The following POR variants were observed in gnomAD, a reference collection of about 807,000 sequenced individuals.
POR encodes cytochrome p450 oxidoreductase.
A neutral mutation model predicts 84.0 loss-of-function variants in POR; 56 were observed. The ratio of observed to expected loss-of-function variants is 0.67; its 90% CI spans 0.54 to 0.83. The LOEUF (loss-of-function observed/expected upper bound fraction) is 0.83. POR is among the 40% of genes least tolerant of loss of function. The pLI is 0.00. For missense variants in POR, 938 were observed against 944.3 expected (o/e 0.99, Z 0.09); for synonymous variants, 414 against 400.5 (o/e 1.03, Z -0.40).
chr7:75,922,778 A>C (rs1355778889), intron 1 of POR: 1 of 453,984 alleles, frequency 2.2e-6, no homozygotes, highest in Non-Finnish European at 4.0e-6. Flanking sequence ...AGCAAAGAAA[A>C]ATCCCTTTGG....
Position 75,985,075 on chromosome 7 carries a change from G to A in POR, c.1266G>A (p.Trp422Ter). Residue 422 changes from tryptophan (W) to a stop codon, truncating the protein, a stop_gained, in exon 12 of 16, where the codon TGG becomes TGA. Transcript: ENST00000461988. LOFTEE classifies it high-confidence loss of function. Reference sequence around the variant, plus strand: ...TCTCTTAGGAGCTGTACCTGAGCTGGGTGGTGGAGGCCCGGAGGCACATCC... The same window carrying A: ...TCTCTTAGGAGCTGTACCTGAGCTGAGTGGTGGAGGCCCGGAGGCACATCC... 1 of 1,599,036 alleles carries A rather than the reference G, an allele frequency of 6.3e-7. No individual in the cohort carries two copies. The highest frequency in any genetic ancestry group is 8.5e-7 in the Non-Finnish European group (1 of 1,178,852).
chr7:75,936,971 C>T (rs782532245), intron 1 of POR, among the ~76,000 whole-genome samples: 26 of 151,426 alleles, frequency 1.7e-4, no homozygotes, highest in African/African-American at 5.6e-4. Context: ...GGATTACAGG[C>T]GCCCGCCACC....
At chr7:75,969,851 C>T (rs1419138222) in intron 2 of POR, among the ~76,000 whole-genome samples, 17 of 152,218 alleles carry the variant, frequency 1.1e-4, no homozygotes, top group Admixed American at 9.8e-4. Flanking sequence ...CACAGACAGC[C>T]CCCAAGGTTA....
At chr7:75,971,065 G>A (rs1554556075) in intron 2 of POR, 2 of 142,646 alleles carry the variant, frequency 1.4e-5, no homozygotes, top group Non-Finnish European at 3.1e-5. Flanking sequence ...TAGTTCAAGT[G>A]ATTCTCCTGC....
At chr7:75,984,539 C>T (rs1789287532) in intron 10 of POR, among the ~76,000 whole-genome samples, 1 of 152,190 alleles carries the variant, frequency 6.6e-6, no homozygotes, top group Non-Finnish European at 1.5e-5. Flanking sequence ...TGTGCAGGGG[C>T]TCCCCCGCAC....
intron 1 of POR, among the ~76,000 whole-genome samples, chr7:75,916,112 C>T (rs575114027): frequency 6.6e-6 from 1 of 151,770 alleles, no homozygotes; most frequent in East Asian, 1.9e-4. Flanking sequence ...TGATTCTTGG[C>T]AAGCAAGATA....
chr7:75,926,631 CT>C (rs1554549532), intron 1 of POR, among the ~76,000 whole-genome samples: 1 of 152,036 alleles, frequency 6.6e-6, no homozygotes, highest in Non-Finnish European at 1.5e-5. Flanking sequence ...CCTGTCTCTA[CT>C]AAAAATACAA....
Position 75,982,212 on chromosome 7 carries a change from T to TC in POR, c.732-8dup, listed in dbSNP as rs781884439. 6.2e-7 allele frequency: 1 copy of TC among 1,603,454 alleles called. No individual in the cohort carries two copies. Among genetic ancestry groups the TC allele is most frequent in the South Asian group, 1.1e-5 (1 of 89,224 alleles). On this transcript the variant is annotated splice_polypyrimidine_tract_variant and intron_variant, in intron 7 of 15. Coordinates refer to ENST00000461988, the MANE Select transcript of POR (RefSeq NM_000941.3). ...CCGCTTCCCGGCCTCACCCTTGGTC[T>TC]CCCCTTTCCAGCATTCGCCAGTACG...
intron 1 of POR, chr7:75,922,968 A>C: frequency 1.5e-6 from 1 of 682,244 alleles, no homozygotes; most frequent in South Asian, 1.6e-5. Context: ...TCAGACGACT[A>C]GAAGTAAAAC....
intron 3 of POR, among the ~76,000 whole-genome samples, chr7:75,974,424 A>C (rs1788579917): frequency 6.6e-6 from 1 of 152,112 alleles, no homozygotes; most frequent in South Asian, 2.1e-4. Flanking sequence ...CTTAAAAAAA[A>C]AACTCAGTAT....
intron 1 of POR, among the ~76,000 whole-genome samples, chr7:75,952,981 T>TGTA (rs1380011357): frequency 6.7e-6 from 1 of 149,814 alleles, no homozygotes; most frequent in Non-Finnish European, 1.5e-5. Context: ...GGCTGGGAGG[T>TGTA]GGTTGTAGCG....
At chr7:75,975,450 G>A (rs1022001545) in intron 3 of POR, among the ~76,000 whole-genome samples, 6 of 152,120 alleles carry the variant, frequency 3.9e-5, no homozygotes, top group African/African-American at 1.4e-4. Context: ...GACCAGCCTG[G>A]GCAACATGGC....
At chr7:75,948,977 A>G (rs1787299912) in intron 1 of POR, among the ~76,000 whole-genome samples, 1 of 152,168 alleles carries the variant, frequency 6.6e-6, no homozygotes, top group African/African-American at 2.4e-5. Context: ...GAATTTTGCA[A>G]ATAATGAGAT....
At chr7:75,927,764 G>A (rs1468920381) in intron 1 of POR, among the ~76,000 whole-genome samples, 2 of 149,188 alleles carry the variant, frequency 1.3e-5, no homozygotes, top group African/African-American at 2.5e-5. Context: ...TCTGCCTCCC[G>A]GGTTCCAGTG....
At chr7:75,925,025 AG>A (rs1232834132) in intron 1 of POR, among the ~76,000 whole-genome samples, 3 of 152,126 alleles carry the variant, frequency 2.0e-5, no homozygotes, top group African/African-American at 7.2e-5. Flanking sequence ...CAAAAACCAG[AG>A]GGGGAACTGA....
chr7:75,976,762 C>T (rs1036531814), intron 3 of POR, among the ~76,000 whole-genome samples: 2 of 149,204 alleles, frequency 1.3e-5, no homozygotes, highest in Admixed American at 6.7e-5. Context: ...AAAAAAAAAA[C>T]AATTTTTAAT....
At chr7:75,980,260 G>C (rs1554557485) in intron 4 of POR, 79 bp from the exon 5 acceptor site, 14 of 1,523,334 alleles carry the variant, frequency 9.2e-6, no homozygotes, top group Non-Finnish European at 1.2e-5. Context: ...GCAGGACCTG[G>C]CCTTCCCCAT....
rs17685 is a variant in POR, at chr7:75,986,787, G to A, written c.*306G>A. ...GCTGAGCTGGGCCCAGCCCCTCCAC[G>A]TGATTTCCAGTGAGTGTAAATAATT... On this transcript the variant is annotated 3_prime_UTR_variant, in exon 16 of 16. Coordinates refer to ENST00000461988, the MANE Select transcript of POR (RefSeq NM_000941.3). 160,845 of 574,552 alleles carry A rather than the reference G, an allele frequency of 0.28. 23,649 individuals carry two copies. Among genetic ancestry groups the A allele is most frequent in the East Asian group, 0.36 (12,704 of 35,268 alleles). The allele number at this position is 574,552 out of a possible 1,614,324, so 35.6% of individuals were successfully genotyped here.
intron 2 of POR, among the ~76,000 whole-genome samples, chr7:75,967,236 A>T (rs1788226942): frequency 1.3e-5 from 2 of 152,150 alleles, no homozygotes; most frequent in South Asian, 4.1e-4. Context: ...TCGGCCTCCC[A>T]AAGTGCTGTA....
Sources: gnomAD v4.1 joint callset for allele counts (sites outside exome capture counted in the v4.1 genomes callset) on GRCh38, gnomAD v4.1.1 for gene constraint, MANE v1.5 for transcripts, NCBI Gene and HGNC (gene_info 2026-07-23, HGNC 2026-07-21) for gene names.